Variants in SCLT1 observed in about 807,000 individuals in gnomAD.
SCLT1 encodes sodium channel-associated protein 1.
SCLT1 carries 78 observed loss-of-function variants against 112.8 expected under a neutral mutation model. That is an observed-to-expected ratio of 0.69 (90% CI 0.58 to 0.83). The LOEUF is 0.83. Among genes scored for constraint, SCLT1 ranks in the 40% least tolerant of loss-of-function variants. SCLT1 has a pLI of 0.00. For synonymous variants in SCLT1, 257 were observed against 254.7 expected, an observed-to-expected ratio of 1.01 and a Z score of -0.09; for missense variants, 747 against 770.4, an observed-to-expected ratio of 0.97 and a Z score of 0.36.
At chr4:128,918,439 T>C (rs1490735207) in intron 18 of SCLT1, among the ~76,000 whole-genome samples, 2 of 152,132 alleles carry the variant, frequency 1.3e-5, no homozygotes, top group East Asian at 3.8e-4. Flanking sequence ...GGAAAGAATC[T>C]CAGAGTTTGA....
chr4:128,953,406 A>G (rs1738933907), intron 13 of SCLT1, among the ~76,000 whole-genome samples: 1 of 152,148 alleles, frequency 6.6e-6, no homozygotes, highest in Admixed American at 6.5e-5. Flanking sequence ...AACACTGCAC[A>G]CGTGTGAGAG....
chr4:129,069,393 C>T (rs549143663), intron 2 of SCLT1, among the ~76,000 whole-genome samples: 1 of 152,198 alleles, frequency 6.6e-6, no homozygotes, highest in African/African-American at 2.4e-5. Flanking sequence ...TTGATTCTAC[C>T]ATCCATGAGT....
intron 17 of SCLT1, among the ~76,000 whole-genome samples, chr4:128,942,387 C>A (rs1737773032): frequency 6.6e-6 from 1 of 151,988 alleles, no homozygotes; most frequent in East Asian, 1.9e-4. Flanking sequence ...TTACAAAAGT[C>A]TCATGACATG....
chr4:128,992,216 T>C lies in SCLT1; in HGVS notation c.637A>G (p.Thr213Ala). 2 of 1,600,980 alleles carry C rather than the reference T, an allele frequency of 1.2e-6. No individual in the cohort carries two copies. The highest frequency in any genetic ancestry group is 1.7e-6 in the Non-Finnish European group (2 of 1,172,484). ...ATTATCACACTTTGTTCAGTTACTG[T>C]TTTCAGAAACTGTTGGTTAGTCTGC... ...MEVTNQQFLK[T>A]VTEQSVIIEQ... The change falls in exon 9 of 21, where the codon ACA (threonine) becomes GCA (alanine). Residue 213 changes from threonine (T) to alanine (A), a missense_variant. Thr to Ala is a moderately conservative substitution (Grantham distance 58, BLOSUM62 0). Transcript: ENST00000281142.
intron 9 of SCLT1, among the ~76,000 whole-genome samples, chr4:128,976,071 G>A (rs1454032131): frequency 6.6e-6 from 1 of 152,108 alleles, no homozygotes; most frequent in Non-Finnish European, 1.5e-5. Context: ...ATAGTTTCAG[G>A]TAATTCAAAA....
intron 10 of SCLT1, among the ~76,000 whole-genome samples, chr4:128,965,894 C>A (rs970776150): frequency 6.8e-6 from 1 of 146,262 alleles, no homozygotes; most frequent in Non-Finnish European, 1.5e-5. Flanking sequence ...TGCGGTGGTA[C>A]GATCTTGGCT....
intron 15 of SCLT1, among the ~76,000 whole-genome samples, chr4:128,947,597 T>G (rs570786523): frequency 6.6e-6 from 1 of 152,324 alleles, no homozygotes; most frequent in African/African-American, 2.4e-5. Flanking sequence ...AACCTCTCTA[T>G]GAAAGTTCTT....
intron 2 of SCLT1, among the ~76,000 whole-genome samples, chr4:129,069,688 T>C (rs1055523791): frequency 3.3e-5 from 5 of 152,176 alleles, no homozygotes; most frequent in African/African-American, 4.8e-5. Flanking sequence ...TAAATGATCA[T>C]ATCATCAGCA....
intron 2 of SCLT1, among the ~76,000 whole-genome samples, chr4:129,056,111 G>C (rs1413699834): frequency 6.6e-6 from 1 of 152,212 alleles, no homozygotes; most frequent in East Asian, 1.9e-4. Flanking sequence ...TCCATGGTCT[G>C]CAACCACTGC....
At chr4:128,892,655 T>C (rs1415992439) in intron 18 of SCLT1, among the ~76,000 whole-genome samples, 2 of 152,208 alleles carry the variant, frequency 1.3e-5, no homozygotes, top group South Asian at 4.1e-4. Context: ...TCATCCACTA[T>C]TCAATTATAC....
intron 15 of SCLT1, among the ~76,000 whole-genome samples, chr4:128,947,879 T>C (rs1319028000): frequency 6.6e-6 from 1 of 152,128 alleles, no homozygotes; most frequent in Non-Finnish European, 1.5e-5. Flanking sequence ...TATTTATAGA[T>C]GGCCTAAGCA....
At chr4:128,913,734 T>C (rs1171280155) in intron 18 of SCLT1, among the ~76,000 whole-genome samples, 1 of 152,202 alleles carries the variant, frequency 6.6e-6, no homozygotes, top group Non-Finnish European at 1.5e-5. Context: ...CTCTCAAAAA[T>C]ACATACAGTG....
intron 19 of SCLT1, among the ~76,000 whole-genome samples, chr4:128,890,708 G>A (rs1241071964): frequency 6.6e-6 from 1 of 152,078 alleles, no homozygotes; most frequent in African/African-American, 2.4e-5. Flanking sequence ...TATTTTTTAT[G>A]TGATGTGTCT....
Position 128,901,529 on chromosome 4 carries a change from T to TG in SCLT1, c.1830-10393dup, listed in dbSNP as rs5861871. ...CACACCAGGGCCTATTGTGGGGTGG[T>TG]GGGGGGGGGGAGGGATAGCATTTGG... On this transcript the variant is annotated intron_variant, in intron 18 of 20. Transcript: ENST00000281142. Among the ~76,000 whole-genome samples, 96 of 133,636 alleles carry TG rather than the reference T, an allele frequency of 7.2e-4. No individual in the cohort carries two copies. The South Asian group carries it at 0.015, about 21-fold the overall frequency. The allele number at this position is 133,636 out of a possible 152,430, so 87.7% of individuals were successfully genotyped here. A position where few individuals can be genotyped will look rare whatever the true frequency, so the allele number is the denominator to read the frequency against.
intron 2 of SCLT1, among the ~76,000 whole-genome samples, chr4:129,068,718 T>A (rs1353440331): frequency 6.6e-6 from 1 of 152,210 alleles, no homozygotes; most frequent in East Asian, 1.9e-4. Context: ...TCCCACTCTG[T>A]GGATTGTCTG....
At position 128,900,602 on chromosome 4, in the gene SCLT1, A is replaced by G. The variant is rs564136853; in HGVS notation, c.1830-9465T>C. On this transcript the variant is annotated intron_variant, in intron 18 of 20. Transcript: ENST00000281142. ...GAAGAAAACCTAGGCAATACCATTG[A>G]GGACATAGGCATGGGCAAGGACTTC... 2.1e-4 allele frequency among the ~76,000 whole-genome samples: 32 copies of G among 152,376 alleles called. No individual in the cohort carries two copies. In the East Asian group the frequency reaches 4.8e-3, roughly 23 times the overall value.
chr4:129,039,358 ATGAC>A, intron 4 of SCLT1: 1 of 327,014 alleles, frequency 3.1e-6, no homozygotes, highest in Non-Finnish European at 5.6e-6. Flanking sequence ...TGTAATTCCT[ATGAC>A]TTGTAGTTGT....
chr4:129,006,032 G>A (rs1430298299), intron 5 of SCLT1, among the ~76,000 whole-genome samples: 8 of 98,642 alleles, frequency 8.1e-5, no homozygotes, highest in Admixed American at 1.3e-4. Context: ...GGGGGGAGGG[G>A]GGAGGGATAG....
At position 128,952,228 on chromosome 4, in the gene SCLT1, G is replaced by A. The variant is rs200728687; in HGVS notation, c.1218+541C>T. 116 of 413,954 alleles carry A rather than the reference G, an allele frequency of 2.8e-4. No homozygotes were observed. In the East Asian group the frequency reaches 7.9e-3, roughly 28 times the overall value. 25.6% of individuals were successfully genotyped at this position (413,954 alleles called of 1,614,324 possible). On this transcript the variant is annotated intron_variant, in intron 14 of 20. Coordinates refer to ENST00000281142, the MANE Select transcript of SCLT1 (RefSeq NM_144643.4). The stretch of plus-strand genomic sequence containing the variant: ...GTCAGAAAAGATGAAAGTTTGTGAA[G>A]TTATAAACATTTTCTCAATTCTTGA...
Sources: allele counts gnomAD v4.1 joint callset (sites outside exome capture counted in the v4.1 genomes callset), GRCh38; gene constraint gnomAD v4.1.1; transcripts MANE v1.5; gene names NCBI Gene and HGNC (gene_info 2026-07-23, HGNC 2026-07-21).